Variants in DRAM2 observed in about 807,000 individuals in gnomAD.
DRAM2 encodes the protein DNA damage regulated autophagy modulator 2.
A neutral mutation model predicts 33.5 loss-of-function variants in DRAM2; 26 were observed. The ratio of observed to expected loss-of-function variants is 0.78; its 90% confidence interval spans 0.57 to 1.08. The LOEUF (loss-of-function observed/expected upper bound fraction) is 1.08, where lower values mean the gene tolerates loss of function less well. Among genes scored for constraint, DRAM2 ranks in the 50% least tolerant of loss-of-function variants. The pLI is 0.00. For missense variants in DRAM2, 311 were observed against 318.1 expected, an observed-to-expected ratio of 0.98 and a Z score of 0.17; for synonymous variants, 98 against 109.5, an observed-to-expected ratio of 0.89 and a Z score of 0.66.
rs775215090 is a variant in DRAM2 at position 111,131,579 on chromosome 1, G to T, written c.-14-11C>A. On this transcript the variant is annotated splice_polypyrimidine_tract_variant and intron_variant, in intron 3 of 9. Coordinates refer to ENST00000484310, the MANE Select transcript of DRAM2 (RefSeq NM_001349884.2). The stretch of plus-strand genomic sequence containing the variant: ...TTTCTAACAGGTTTTCTGAAATAGA[G>T]AAAACATATTAGAAAAGATAATTCA... 1 of 1,612,988 alleles carries T rather than the reference G, an allele frequency of 6.2e-7. No individual in the cohort carries two copies. Among genetic ancestry groups the T allele is most frequent in the Admixed American group, 1.7e-5 (1 of 59,708 alleles).
intron 3 of DRAM2, among the ~76,000 whole-genome samples, chr1:111,132,149 G>A (rs1012697995): frequency 2.6e-5 from 4 of 152,180 alleles, no homozygotes; most frequent in African/African-American, 9.7e-5. Flanking sequence ...CAGGAAGGCA[G>A]AGAGAGAGGA....
At chr1:111,127,500 A>G (rs1046613451) in intron 4 of DRAM2, among the ~76,000 whole-genome samples, 1 of 152,136 alleles carries the variant, frequency 6.6e-6, no homozygotes, top group Non-Finnish European at 1.5e-5. Context: ...AGAGAAACAA[A>G]AAATAATGTA....
At chr1:111,136,464 T>A (rs934717191) in intron 3 of DRAM2, among the ~76,000 whole-genome samples, 1 of 150,320 alleles carries the variant, frequency 6.7e-6, no homozygotes, top group Non-Finnish European at 1.5e-5. Context: ...ACTCGGGAGG[T>A]TGAAGTAGGA....
intron 8 of DRAM2, 66 bp downstream of exon 8, chr1:111,119,811 A>G (rs1010211079): frequency 5.1e-5 from 65 of 1,280,920 alleles, no homozygotes; most frequent in Middle Eastern, 1.9e-4. Flanking sequence ...AATGAAAAAC[A>G]TATCAAGATC....
intron 6 of DRAM2, among the ~76,000 whole-genome samples, chr1:111,122,034 T>C (rs817576): frequency 0.25 from 37,804 of 151,946 alleles, 5,824 homozygotes; most frequent in African/African-American, 0.42. Context: ...ATAATGGAGA[T>C]ATTAAGAAGG....
At position 111,120,585 on chromosome 1, in the gene DRAM2, T is replaced by G. The variant is rs375683972; in HGVS notation, c.448A>C (p.Ile150Leu). 1 of 1,612,044 alleles carries G rather than the reference T, an allele frequency of 6.2e-7. No homozygotes were observed. Among genetic ancestry groups the G allele is most frequent in the African/African-American group, 1.3e-5 (1 of 74,732 alleles). ...TILSYQMQPK[I>L]HGKQVFWIRL... ...ATCCAGAAGACTTGTTTGCCATGGA[T>G]TTTGGGCTGCATTTGGTAGGAAAGG... Residue 150 changes from isoleucine to leucine, a missense_variant, in exon 7 of 10, where the codon ATC becomes CTC. Physicochemically the swap from Ile to Leu is conservative, Grantham distance 5. Transcript: ENST00000484310.
intron 6 of DRAM2, among the ~76,000 whole-genome samples, chr1:111,121,692 G>A (rs911750983): frequency 3.3e-5 from 5 of 151,854 alleles, no homozygotes; most frequent in Admixed American, 2.0e-4. Context: ...CAATTATTAG[G>A]CATCTCTTTA....
intron 3 of DRAM2, among the ~76,000 whole-genome samples, chr1:111,131,859 C>T (rs573460651): frequency 2.6e-5 from 4 of 152,304 alleles, no homozygotes; most frequent in South Asian, 2.1e-4. Flanking sequence ...CCCTTTTTCT[C>T]CATCTTCACT....
Position 111,120,531 on chromosome 1 carries a change from C to CTCCACACCA in DRAM2, c.493_501dup (p.Trp165_Gly167dup). 5.0e-6 allele frequency: 8 copies of CTCCACACCA among 1,602,826 alleles called. No individual in the cohort carries two copies. Among genetic ancestry groups the CTCCACACCA allele is most frequent in the Non-Finnish European group, 6.8e-6 (8 of 1,173,828 alleles). On this transcript the variant is annotated inframe_insertion, in exon 7 of 10. Coordinates refer to ENST00000484310, the MANE Select transcript of DRAM2 (RefSeq NM_001349884.2). ...TGAAGGATACTGCTAAGTGCACTTA[C>CTCCACACCA]TCCACACCAGATAACCAACAACAGT...
chr1:111,119,520 A>G (rs1649555359), intron 8 of DRAM2: 1 of 196,022 alleles, frequency 5.1e-6, no homozygotes, highest in Admixed American at 5.5e-5. Context: ...CAATTTCCAG[A>G]TAACAAAAAG....
At chr1:111,138,719 G>A (rs1653828589) in intron 2 of DRAM2, among the ~76,000 whole-genome samples, 1 of 152,172 alleles carries the variant, frequency 6.6e-6, no homozygotes, top group African/African-American at 2.4e-5. Flanking sequence ...GGGAGGCGGA[G>A]GTTGCAGAGA....
At position 111,129,319 on chromosome 1, in the gene DRAM2, G is replaced by A. The variant is rs191473997; in HGVS notation, c.131+2105C>T. Among the ~76,000 whole-genome samples the A allele has an allele frequency of 7.9e-5, 12 of 152,298 alleles. 1 individual carries two copies. The East Asian group carries it at 2.3e-3, about 29-fold the overall frequency. ...TTGGCATCTCTGTGAAGAGACAGAT[G>A]TTTCAAAAGCATCATATAGAGGCTG... On this transcript the variant is annotated intron_variant, in intron 4 of 9. Transcript: ENST00000484310.
At chr1:111,121,356 C>T (rs1650014246) in intron 6 of DRAM2, among the ~76,000 whole-genome samples, 2 of 152,044 alleles carry the variant, frequency 1.3e-5, no homozygotes, top group South Asian at 4.1e-4. Context: ...ACAGATTCTC[C>T]CTCTGAGCCT....
intron 6 of DRAM2, among the ~76,000 whole-genome samples, chr1:111,123,627 T>C (rs966172706): frequency 1.3e-5 from 2 of 152,210 alleles, no homozygotes; most frequent in Admixed American, 6.5e-5. Context: ...TTTTGACTAT[T>C]TGACCCCTCC....
chr1:111,126,916 C>T (rs1210779230), intron 4 of DRAM2, among the ~76,000 whole-genome samples: 1 of 152,156 alleles, frequency 6.6e-6, no homozygotes, highest in East Asian at 1.9e-4. Flanking sequence ...GCTTTCTGAA[C>T]TTCTATAAAC....
intron 9 of DRAM2, chr1:111,118,543 C>T (rs986879391): frequency 6.2e-6 from 3 of 485,372 alleles, no homozygotes; most frequent in South Asian, 3.7e-5. Flanking sequence ...TACACAGAAT[C>T]GATAACAAAT....
At chr1:111,135,695 G>T (rs977634820) in intron 3 of DRAM2, among the ~76,000 whole-genome samples, 3 of 152,138 alleles carry the variant, frequency 2.0e-5, no homozygotes, top group Admixed American at 6.5e-5. Flanking sequence ...CCCTTTGTAT[G>T]TAGAAATAAG....
intron 3 of DRAM2, among the ~76,000 whole-genome samples, chr1:111,136,391 C>A (rs1198701894): frequency 6.6e-6 from 1 of 152,000 alleles, no homozygotes; most frequent in African/African-American, 2.4e-5. Context: ...ACGGTGAAAC[C>A]CAGTCTCTAC....
At chr1:111,132,596 C>G (rs997262237) in intron 3 of DRAM2, among the ~76,000 whole-genome samples, 2 of 151,954 alleles carry the variant, frequency 1.3e-5, no homozygotes, top group African/African-American at 2.4e-5. Flanking sequence ...GGAGAGAAAT[C>G]TCCATACTTC....
Sources: gnomAD v4.1 joint callset for allele counts (sites outside exome capture counted in the v4.1 genomes callset) on GRCh38, gnomAD v4.1.1 for gene constraint, MANE v1.5 for transcripts, NCBI Gene and HGNC (gene_info 2026-07-23, HGNC 2026-07-21) for gene names.